Variants in NTRK2 observed in about 807,000 individuals in gnomAD.
NTRK2 encodes the protein neurotrophic receptor tyrosine kinase 2, also known as BDNF/NT-3 growth factors receptor.
Under a neutral mutation model 94.5 loss-of-function variants are expected in NTRK2, and 13 were observed. The observed-to-expected ratio is 0.14, with a 90% CI of 0.09 to 0.22. The LOEUF (loss-of-function observed/expected upper bound fraction) is 0.22, where lower values mean the gene tolerates loss of function less well. NTRK2 is among the 10% of genes least tolerant of loss of function. The pLI is 1.00. For synonymous variants in NTRK2, 372 were observed against 407.4 expected, an observed-to-expected ratio of 0.91 and a Z score of 1.05; for missense variants, 639 against 1,071.2, an observed-to-expected ratio of 0.60 and a Z score of 5.63.
intron 12 of NTRK2, among the ~76,000 whole-genome samples, chr9:84,826,999 G>A (rs2073232286): frequency 6.6e-6 from 1 of 152,190 alleles, no homozygotes; most frequent in African/African-American, 2.4e-5. Flanking sequence ...CTTATGCACT[G>A]TGCTGCCTGC....
At chr9:84,744,627 A>G (rs1043944457) in intron 10 of NTRK2, among the ~76,000 whole-genome samples, 2 of 152,098 alleles carry the variant, frequency 1.3e-5, no homozygotes, top group Admixed American at 6.6e-5. Context: ...CTATAAATCT[A>G]TGACACGTAG....
At chr9:84,875,508 C>A in intron 14 of NTRK2, 1 of 1,063,364 alleles carries the variant, frequency 9.4e-7, no homozygotes, top group East Asian at 5.0e-5. Context: ...TCAACTGAAG[C>A]AGATGATCAC....
chr9:84,719,128 C>A (rs1265586480), intron 6 of NTRK2, among the ~76,000 whole-genome samples: 1 of 151,990 alleles, frequency 6.6e-6, no homozygotes, highest in Non-Finnish European at 1.5e-5. Flanking sequence ...ATTTATGGTC[C>A]ATGATGAAAT....
At chr9:84,974,275 C>G (rs1350796091) in intron 17 of NTRK2, among the ~76,000 whole-genome samples, 2 of 151,144 alleles carry the variant, frequency 1.3e-5, no homozygotes, top group South Asian at 4.2e-4. Flanking sequence ...TGTGTAGAGC[C>G]AGGGCCTCTC....
intron 13 of NTRK2, among the ~76,000 whole-genome samples, chr9:84,862,367 G>A (rs2075377411): frequency 6.6e-6 from 1 of 152,176 alleles, no homozygotes; most frequent in East Asian, 1.9e-4. Flanking sequence ...TTTGGGGAAG[G>A]TGGTAATAAA....
At chr9:84,866,925 T>A (rs1342019029) in intron 13 of NTRK2, among the ~76,000 whole-genome samples, 1 of 152,190 alleles carries the variant, frequency 6.6e-6, no homozygotes, top group Admixed American at 6.5e-5. Flanking sequence ...TGTGGATGAA[T>A]CTTAAAAACA....
rs114391354 is a variant in NTRK2, at chr9:84,940,954, G to A, written c.1764+6662G>A. Among the ~76,000 whole-genome samples, 1,421 of 151,986 alleles carry A rather than the reference G, an allele frequency of 9.3e-3. 21 individuals carry two copies. Among genetic ancestry groups the A allele is most frequent in the African/African-American group, 0.033 (1,349 of 41,436 alleles). ...CCTTCCCATGTTTCCACTTACATTG[G>A]CATGTGAAATACTTGTTCCCAAAAA... On this transcript the variant is annotated intron_variant, in intron 15 of 18. Transcript: ENST00000277120.
chr9:84,701,299 C>G (rs2060703530), intron 2 of NTRK2, among the ~76,000 whole-genome samples: 1 of 152,230 alleles, frequency 6.6e-6, no homozygotes, highest in Non-Finnish European at 1.5e-5. Context: ...CTTGGACAGT[C>G]TATTTCCTTG....
At chr9:84,701,366 C>T (rs2131678330) in intron 2 of NTRK2, among the ~76,000 whole-genome samples, 1 of 152,282 alleles carries the variant, frequency 6.6e-6, no homozygotes, top group South Asian at 2.1e-4. Flanking sequence ...AGCTATGATC[C>T]CAGAGTAAGA....
At chr9:84,675,127 A>G (rs1397131433) in intron 2 of NTRK2, among the ~76,000 whole-genome samples, 4 of 152,090 alleles carry the variant, frequency 2.6e-5, no homozygotes, top group South Asian at 2.1e-4. Context: ...GTCTGCTTCA[A>G]TATTCCCTTA....
chr9:84,874,014 A>C, intron 14 of NTRK2: 3 of 1,064,270 alleles, frequency 2.8e-6, no homozygotes, highest in Non-Finnish European at 3.4e-6. Flanking sequence ...CCAAAGCATC[A>C]GTGATGTTCT....
At chr9:84,732,953 C>T (rs991140434) in intron 9 of NTRK2, among the ~76,000 whole-genome samples, 1 of 152,316 alleles carries the variant, frequency 6.6e-6, no homozygotes, top group East Asian at 1.9e-4. Context: ...TGGGGTCCCT[C>T]AGCAGGACCT....
rs1158637577 is a variant in NTRK2, at chr9:84,870,331, G to GTATATATATATATATA, written c.1633+2919_1633+2934dup. Among the ~76,000 whole-genome samples, 27 of 31,166 alleles carry GTATATATATATATATA rather than the reference G, an allele frequency of 8.7e-4. 1 individual carries two copies. The highest frequency in any genetic ancestry group is 5.6e-3 in the East Asian group (5 of 894). 20.4% of individuals were successfully genotyped at this position (31,166 alleles called of 152,430 possible). On this transcript the variant is annotated intron_variant, in intron 14 of 18. Transcript: ENST00000277120. ...ATACATATATGTGGGGTGTGTGTGT[G>GTATATATATATATATA]TATATATATATATATATATATATAT...
chr9:84,752,498 G>A (rs1204572022), intron 12 of NTRK2, among the ~76,000 whole-genome samples: 1 of 152,194 alleles, frequency 6.6e-6, no homozygotes, highest in Non-Finnish European at 1.5e-5. Flanking sequence ...TGCTTTTGGT[G>A]TTGTTCCTGC....
chr9:84,915,109 C>T (rs1181069510), intron 14 of NTRK2, among the ~76,000 whole-genome samples: 2 of 152,090 alleles, frequency 1.3e-5, no homozygotes, highest in East Asian at 1.9e-4. Context: ...AATCTAATGC[C>T]GCTGCCGATC....
intron 12 of NTRK2, among the ~76,000 whole-genome samples, chr9:84,854,049 G>T (rs1214359791): frequency 6.8e-6 from 1 of 147,880 alleles, no homozygotes; most frequent in Non-Finnish European, 1.5e-5. Context: ...TCCAGCCTGG[G>T]CAACAGAGTG....
At chr9:84,877,953 T>A (rs2076131600) in intron 14 of NTRK2, 1 of 1,010,256 alleles carries the variant, frequency 9.9e-7, no homozygotes, top group African/African-American at 1.7e-5. Flanking sequence ...TTACATAGAC[T>A]TGAGAATATA....
chr9:84,948,025 G>A (rs111499337), intron 15 of NTRK2, among the ~76,000 whole-genome samples: 16 of 152,322 alleles, frequency 1.1e-4, no homozygotes, highest in East Asian at 3.9e-4. Context: ...CAAACTGATC[G>A]TTGCTGAAGC....
chr9:84,952,549 T>C (rs1159039287), intron 16 of NTRK2, among the ~76,000 whole-genome samples: 1 of 152,218 alleles, frequency 6.6e-6, no homozygotes, highest in Non-Finnish European at 1.5e-5. Context: ...AAGCAGAGGA[T>C]TGCAGCGTTA....
Sources: gnomAD v4.1 joint callset for allele counts (sites outside exome capture counted in the v4.1 genomes callset) on GRCh38, gnomAD v4.1.1 for gene constraint, MANE v1.5 for transcripts, NCBI Gene and HGNC (gene_info 2026-07-23, HGNC 2026-07-21) for gene names.